The following GRID1 variants were observed in gnomAD, a reference collection of about 807,000 sequenced individuals.
The protein encoded by GRID1 is glutamate receptor ionotropic, delta-1.
GRID1 carries 28 observed loss-of-function variants against 98.0 expected under a neutral mutation model. The ratio of observed to expected loss-of-function variants is 0.29; its 90% CI spans 0.21 to 0.39. The LOEUF is 0.39. GRID1 is among the 10% of genes least tolerant of loss of function. GRID1 has a pLI of 1.00. For synonymous variants in GRID1, 553 were observed against 538.5 expected, an observed-to-expected ratio of 1.03 and a Z score of -0.37; for missense variants, 1,111 against 1,340.5, an observed-to-expected ratio of 0.83 and a Z score of 2.67.
chr10:85,750,688 A>C (rs886217021), intron 8 of GRID1, among the ~76,000 whole-genome samples: 11 of 152,208 alleles, frequency 7.2e-5, no homozygotes, highest in Non-Finnish European at 1.5e-4. Flanking sequence ...ACTATGCATC[A>C]AAAGCCTAAC....
intron 2 of GRID1, among the ~76,000 whole-genome samples, chr10:86,252,236 C>A (rs1846847153): frequency 6.6e-6 from 1 of 152,186 alleles, no homozygotes. Flanking sequence ...CGGGATGTGG[C>A]CCAAGAAGAG....
At chr10:86,016,169 CAG>C (rs1051174969) in intron 4 of GRID1, among the ~76,000 whole-genome samples, 3 of 128,456 alleles carry the variant, frequency 2.3e-5, no homozygotes, top group African/African-American at 8.8e-5. Context: ...TTTTTTGAAA[CAG>C]AGTCTCGCTC....
At position 86,050,038 on chromosome 10, in the gene GRID1, G is replaced by C. The variant is rs188585031; in HGVS notation, c.726+88781C>G. 5.5e-4 allele frequency among the ~76,000 whole-genome samples: 84 copies of C among 152,290 alleles called. 1 individual carries two copies. The highest frequency in any genetic ancestry group is 2.0e-3 in the African/African-American group (82 of 41,552). ...GTGTGGCAGGCAAAGGAGAAATGAT[G>C]GCATCCATGCACACACACAAACCCA... On this transcript the variant is annotated intron_variant, in intron 4 of 15. Transcript: ENST00000327946.
intron 2 of GRID1, among the ~76,000 whole-genome samples, chr10:86,299,441 G>A (rs528399138): frequency 3.9e-4 from 58 of 150,438 alleles, no homozygotes; most frequent in Middle Eastern, 6.8e-3. Context: ...CCATTAACTC[G>A]TCATTTACAT....
intron 8 of GRID1, among the ~76,000 whole-genome samples, chr10:85,826,714 A>G (rs1842823648): frequency 6.6e-6 from 1 of 152,172 alleles, no homozygotes; most frequent in Non-Finnish European, 1.5e-5. Flanking sequence ...CACTCTGGCC[A>G]GCATCTCCCA....
At chr10:85,608,903 A>G (rs890551275) in intron 15 of GRID1, among the ~76,000 whole-genome samples, 7 of 152,130 alleles carry the variant, frequency 4.6e-5, no homozygotes, top group African/African-American at 1.7e-4. Flanking sequence ...TTTGCTCCTG[A>G]GCATAGTTCT....
chr10:86,357,774 C>G (rs561130218), intron 2 of GRID1, among the ~76,000 whole-genome samples: 17 of 152,238 alleles, frequency 1.1e-4, no homozygotes, highest in African/African-American at 4.1e-4. Flanking sequence ...AGAGAGGGGA[C>G]CCAGGGCCTA....
At chr10:85,629,684 C>A (rs761902831) in intron 13 of GRID1, among the ~76,000 whole-genome samples, 2 of 152,158 alleles carry the variant, frequency 1.3e-5, no homozygotes, top group Non-Finnish European at 2.9e-5. Flanking sequence ...CTGCTATAAA[C>A]ATATAACTAC....
At chr10:85,845,987 A>G (rs1203092908) in intron 8 of GRID1, among the ~76,000 whole-genome samples, 3 of 152,162 alleles carry the variant, frequency 2.0e-5, no homozygotes, top group Non-Finnish European at 2.9e-5. Flanking sequence ...AGGGGTGCAC[A>G]GGGGAGAGCT....
intron 8 of GRID1, among the ~76,000 whole-genome samples, chr10:85,775,235 C>G (rs1235676098): frequency 6.7e-6 from 1 of 149,180 alleles, no homozygotes; most frequent in Non-Finnish European, 1.5e-5. Flanking sequence ...AACAAAAAAC[C>G]AAACACCACA....
chr10:85,791,672 C>T (rs944863545), intron 8 of GRID1, among the ~76,000 whole-genome samples: 8 of 152,052 alleles, frequency 5.3e-5, no homozygotes, highest in East Asian at 3.9e-4. Flanking sequence ...ATGTAACAAT[C>T]GATCACAAGG....
chr10:86,111,268 C>G (rs1006607301), intron 4 of GRID1, among the ~76,000 whole-genome samples: 2 of 152,190 alleles, frequency 1.3e-5, no homozygotes, highest in African/African-American at 4.8e-5. Flanking sequence ...CAGCAAGTCA[C>G]AGGGTTTTTA....
intron 4 of GRID1, among the ~76,000 whole-genome samples, chr10:85,992,656 G>T (rs893267313): frequency 1.3e-5 from 2 of 152,004 alleles, no homozygotes; most frequent in African/African-American, 4.8e-5. Context: ...AAGCTAGAAA[G>T]AACTAGAAAG....
At chr10:85,939,593 T>C (rs1424601141) in intron 4 of GRID1, among the ~76,000 whole-genome samples, 1 of 152,154 alleles carries the variant, frequency 6.6e-6, no homozygotes, top group Non-Finnish European at 1.5e-5. Flanking sequence ...AGTCATGTCT[T>C]CCTCTGACTC....
intron 12 of GRID1, among the ~76,000 whole-genome samples, chr10:85,655,749 A>G (rs370407548): frequency 1.3e-5 from 2 of 152,170 alleles, no homozygotes; most frequent in African/African-American, 4.8e-5. Flanking sequence ...TTGCTTTTCT[A>G]GAGAACTCCC....
intron 2 of GRID1, among the ~76,000 whole-genome samples, chr10:86,273,421 T>TGGCTGGGTC (rs1448041866): frequency 1.5e-4 from 22 of 149,130 alleles, no homozygotes; most frequent in Non-Finnish European, 2.7e-4. Flanking sequence ...CCTTTGGGTA[T>TGGCTGGGTC]ATACCCAGTA....
chr10:86,043,725 C>CT (rs1843380179), intron 4 of GRID1, among the ~76,000 whole-genome samples: 1 of 152,220 alleles, frequency 6.6e-6, no homozygotes, highest in Non-Finnish European at 1.5e-5. Context: ...TTTTTGAACA[C>CT]TTTAACAAAT....
At chr10:85,926,087 T>A (rs547491315) in intron 4 of GRID1, among the ~76,000 whole-genome samples, 1 of 152,158 alleles carries the variant, frequency 6.6e-6, no homozygotes, top group Non-Finnish European at 1.5e-5. Flanking sequence ...GTTCTGGAGA[T>A]ATAAGCTTCT....
chr10:85,870,389 G>A lies in GRID1; in HGVS notation c.781-1209C>T, dbSNP rs578251704. On this transcript the variant is annotated intron_variant, in intron 5 of 15. Transcript: ENST00000327946. ...GCACTGTGGCTTCCCTACTTTTGAGGTTTTGGGACTCAGACTGGCTCCTCA... is the reference window on the plus strand; with the variant it reads ...GCACTGTGGCTTCCCTACTTTTGAGATTTTGGGACTCAGACTGGCTCCTCA... 1.4e-4 allele frequency among the ~76,000 whole-genome samples: 22 copies of A among 152,332 alleles called. No homozygotes were observed. The South Asian group carries it at 4.6e-3, about 32-fold the overall frequency.
Sources: allele counts gnomAD v4.1 joint callset (sites outside exome capture counted in the v4.1 genomes callset), GRCh38; gene constraint gnomAD v4.1.1; transcripts MANE v1.5; gene names NCBI Gene and HGNC (gene_info 2026-07-23, HGNC 2026-07-21).